WDR33: variants seen among roughly 807,000 people sequenced by gnomAD.
The protein encoded by WDR33 is WD repeat domain 33, also known as pre-mRNA 3' end processing protein WDR33.
A neutral mutation model predicts 164.9 loss-of-function variants in WDR33; 47 were observed. That is an observed-to-expected ratio of 0.29 (90% confidence interval 0.23 to 0.36). WDR33 has a LOEUF of 0.36. Among genes scored for constraint, WDR33 ranks in the 10% least tolerant of loss-of-function variants. The pLI, the probability that WDR33 is intolerant of heterozygous loss-of-function variation, is 1.00. For synonymous variants in WDR33, 505 were observed against 589.0 expected (o/e 0.86, Z 2.06); for missense variants, 1,137 against 1,754.1 (o/e 0.65, Z 6.28).
At chr2:127,756,948 A>G (rs1687537913) in intron 7 of WDR33, among the ~76,000 whole-genome samples, 1 of 151,970 alleles carries the variant, frequency 6.6e-6, no homozygotes, top group African/African-American at 2.4e-5. Flanking sequence ...GTGGTGGTGC[A>G]TGCCTGTAGT....
intron 9 of WDR33, 34 bp downstream of exon 9, chr2:127,725,027 A>C: frequency 2.5e-6 from 4 of 1,614,204 alleles, no homozygotes; most frequent in Non-Finnish European, 3.4e-6. Context: ...TACAGGTAAC[A>C]GTGGTCAATG....
At chr2:127,760,049 G>A (rs987958542) in intron 7 of WDR33, among the ~76,000 whole-genome samples, 2 of 152,110 alleles carry the variant, frequency 1.3e-5, no homozygotes, top group South Asian at 2.1e-4. Flanking sequence ...TGGTATTCCC[G>A]TAGGCAAGAC....
intron 1 of WDR33, among the ~76,000 whole-genome samples, chr2:127,774,568 G>A (rs373593161): frequency 4.7e-5 from 7 of 150,064 alleles, no homozygotes; most frequent in African/African-American, 7.3e-5. Context: ...GGCGGCTCAC[G>A]CCTGTAATCC....
intron 7 of WDR33, among the ~76,000 whole-genome samples, chr2:127,761,439 A>G (rs1413550676): frequency 6.6e-6 from 1 of 152,182 alleles, no homozygotes; most frequent in African/African-American, 2.4e-5. Context: ...TGACCTCGTG[A>G]TCCGCCCACC....
In WDR33 at chr2:127,713,933, C is replaced by G; in HGVS notation, c.2958G>C (p.Glu986Asp). 6.2e-7 allele frequency: 1 copy of G among 1,604,792 alleles called. No homozygotes were observed. Among genetic ancestry groups the G allele is most frequent in the Non-Finnish European group, 8.5e-7 (1 of 1,175,148 alleles). ...CCTGGCCACCCCGGAAAGGCCCCCT[C>G]TCGGGCCCATGCTCAGGCCCGCCGC... The part of the protein sequence containing the change: ...EQSGGPEHGP[E>D]RGPFRGGQDC... Residue 986 changes from glutamate (E) to aspartate (D), a missense_variant, in exon 18 of 22, where the codon GAG (glutamate) becomes GAC (aspartate). Glu to Asp is a conservative substitution (Grantham distance 45). Around this residue, in one of 9 missense-constraint regions of WDR33, gnomAD observed 867 missense variants for 1,073.0 expected, o/e 0.81. Coordinates refer to ENST00000322313, the MANE Select transcript of WDR33 (RefSeq NM_018383.5). This position sits in a 1 kb window ranked among gnomAD's most constrained non-coding sequence, Gnocchi z 6.2.
chr2:127,708,942 G>C lies in WDR33; in HGVS notation c.3566-50C>G. Reference sequence around the variant, plus strand: ...ACAGGAAAGCACAGTGTGACCAGAAGTAGATGGGAATGACACTGTGAGAGT... The same window carrying C: ...ACAGGAAAGCACAGTGTGACCAGAACTAGATGGGAATGACACTGTGAGAGT... On this transcript the variant is annotated intron_variant, in intron 20 of 21. Coordinates refer to ENST00000322313, the MANE Select transcript of WDR33 (RefSeq NM_018383.5). This position sits in a 1 kb window ranked among gnomAD's most constrained non-coding sequence, Gnocchi z 6.7. 6.7e-7 allele frequency: 1 copy of C among 1,485,478 alleles called. No individual in the cohort carries two copies. The highest frequency in any genetic ancestry group is 9.0e-7 in the Non-Finnish European group (1 of 1,111,308). 92.0% of individuals were successfully genotyped at this position (1,485,478 alleles called of 1,614,324 possible).
At chr2:127,758,240 A>G (rs1166230305) in intron 7 of WDR33, among the ~76,000 whole-genome samples, 1 of 152,130 alleles carries the variant, frequency 6.6e-6, no homozygotes, top group Non-Finnish European at 1.5e-5. Flanking sequence ...CCCCATACCA[A>G]TCTTTACTTC....
rs1686443514 is a variant in WDR33 at position 127,721,741 on chromosome 2, G to A, written c.1671+95C>T. 1 of 1,316,694 alleles carries A rather than the reference G, an allele frequency of 7.6e-7. No individual in the cohort carries two copies. The highest frequency in any genetic ancestry group is 1.5e-5 in the African/African-American group (1 of 66,372). 81.6% of individuals were successfully genotyped at this position (1,316,694 alleles called of 1,614,324 possible). On this transcript the variant is annotated intron_variant, in intron 15 of 21. Transcript: ENST00000322313. The surrounding 1 kb of genome is among the most constrained non-coding windows in gnomAD (Gnocchi z 4.9). Reference sequence around the variant, plus strand: ...TGGCGGTGTTTGTCAGACCATGGGAGAGCCCCTTCCCTTTTCCTTAAGAGC... The same window carrying A: ...TGGCGGTGTTTGTCAGACCATGGGAAAGCCCCTTCCCTTTTCCTTAAGAGC...
chr2:127,806,206 TTTTC>T (rs1476856633), intron 1 of WDR33, among the ~76,000 whole-genome samples: 1 of 147,416 alleles, frequency 6.8e-6, no homozygotes, highest in Non-Finnish European at 1.5e-5. Flanking sequence ...TTGTTTTTCT[TTTTC>T]TTTTTTTTTT....
intron 7 of WDR33, among the ~76,000 whole-genome samples, chr2:127,748,571 A>G (rs1687229388): frequency 6.6e-6 from 1 of 152,176 alleles, no homozygotes; most frequent in East Asian, 1.9e-4. Flanking sequence ...GCAGAGGAGA[A>G]GCTTTTACAG....
chr2:127,802,454 G>T (rs1435960421), intron 1 of WDR33, among the ~76,000 whole-genome samples: 1 of 151,938 alleles, frequency 6.6e-6, no homozygotes, highest in Non-Finnish European at 1.5e-5. Context: ...GCTAATTTTT[G>T]TATTTTTAGT....
In WDR33 at chr2:127,783,771, A is replaced by AT. The variant is rs1191466607; in HGVS notation, c.-23-12768dup. ...AGGCGTGCACCACCACCCCCAGCTAATTTTTTGTATTTTTAGTAGAGACAA... is the reference window on the plus strand; with the variant it reads ...AGGCGTGCACCACCACCCCCAGCTAATTTTTTTGTATTTTTAGTAGAGACAA... On this transcript the variant is annotated intron_variant, in intron 1 of 21. Transcript: ENST00000322313. Among the ~76,000 whole-genome samples, 12 of 151,362 alleles carry AT rather than the reference A, an allele frequency of 7.9e-5. 1 individual carries two copies. Among genetic ancestry groups the AT allele is most frequent in the African/African-American group, 2.4e-4 (10 of 41,138 alleles).
At chr2:127,732,883 A>G (rs1202432488) in intron 7 of WDR33, among the ~76,000 whole-genome samples, 1 of 152,228 alleles carries the variant, frequency 6.6e-6, no homozygotes, top group Non-Finnish European at 1.5e-5. Context: ...TTCAAACATT[A>G]AGCCTAAAGA....
intron 1 of WDR33, among the ~76,000 whole-genome samples, chr2:127,801,989 TG>T (rs113188040): frequency 0.027 from 4,073 of 151,110 alleles, 202 homozygotes; most frequent in African/African-American, 0.094. Flanking sequence ...CAGACCACCC[TG>T]GCCAACATGG....
intron 1 of WDR33, among the ~76,000 whole-genome samples, chr2:127,779,206 G>C (rs937223679): frequency 2.0e-5 from 3 of 151,058 alleles, no homozygotes; most frequent in Non-Finnish European, 4.4e-5. Flanking sequence ...GGTGGCTCAT[G>C]CCTGTAATCC....
intron 1 of WDR33, 101 bp from the exon 2 acceptor site, chr2:127,771,105 T>C (rs778691849): frequency 2.4e-5 from 21 of 892,604 alleles, no homozygotes; most frequent in Non-Finnish European, 3.2e-5. Flanking sequence ...TTCCCTTATC[T>C]AACGTGCATC....
At position 127,713,943 on chromosome 2, in the gene WDR33, T is replaced by C. The variant is rs774906348; in HGVS notation, c.2948A>G (p.His983Arg). Residue 983 changes from histidine (H) to arginine (R), a missense_variant, in exon 18 of 22, where the codon CAT becomes CGT. Around this residue, in one of 9 missense-constraint regions of WDR33, gnomAD observed 867 missense variants for 1,073.0 expected, o/e 0.81. Coordinates refer to ENST00000322313, the MANE Select transcript of WDR33 (RefSeq NM_018383.5). This position sits in a 1 kb window ranked among gnomAD's most constrained non-coding sequence, Gnocchi z 6.2. ...CCGGAAAGGCCCCCTCTCGGGCCCA[T>C]GCTCAGGCCCGCCGCTCTGCTCATG... ...RRHEQSGGPEHGPERGPFRGG... is the reference protein window; with the variant it reads ...RRHEQSGGPERGPERGPFRGG... 3 of 1,597,700 alleles carry C rather than the reference T, an allele frequency of 1.9e-6. No homozygotes were observed. The East Asian group carries it at 6.7e-5, about 36-fold the overall frequency.
chr2:127,760,152 T>C (rs1358029798), intron 7 of WDR33, among the ~76,000 whole-genome samples: 5 of 152,318 alleles, frequency 3.3e-5, no homozygotes, highest in South Asian at 2.1e-4. Context: ...GAATATTACA[T>C]CACTGAGAAT....
intron 1 of WDR33, among the ~76,000 whole-genome samples, chr2:127,800,409 C>T (rs995791584): frequency 2.6e-5 from 4 of 151,928 alleles, no homozygotes; most frequent in African/African-American, 7.3e-5. Flanking sequence ...CCGCGGCAGG[C>T]GGATCATGAG....
Sources: gnomAD v4.1 joint callset for allele counts (sites outside exome capture counted in the v4.1 genomes callset) on GRCh38, gnomAD v4.1.1 for gene constraint, gnomAD v4.1.1 regional missense constraint, Gnocchi (gnomAD v3.1) non-coding constraint, MANE v1.5 for transcripts, NCBI Gene and HGNC (gene_info 2026-07-23, HGNC 2026-07-21) for gene names.